Variants in ZNF169 observed in about 807,000 individuals in gnomAD.
ZNF169 encodes the protein zinc finger protein 169.
Under a neutral mutation model 12.0 loss-of-function variants are expected in ZNF169, and 11 were observed. The ratio of observed to expected loss-of-function variants is 0.92; its 90% CI spans 0.58 to 1.52. The LOEUF (loss-of-function observed/expected upper bound fraction) is 1.52. Among genes scored for constraint, ZNF169 ranks in the 40% most tolerant of loss-of-function variants. The pLI is 0.00. For synonymous variants in ZNF169, 302 were observed against 286.5 expected (o/e 1.05, Z -0.55); for missense variants, 722 against 744.0 (o/e 0.97, Z 0.34).
intron 1 of ZNF169, among the ~76,000 whole-genome samples, chr9:94,263,227 C>T (rs1395306728): frequency 6.6e-6 from 1 of 152,152 alleles, no homozygotes; most frequent in African/African-American, 2.4e-5. Context: ...CCATCGAGTT[C>T]TGTCAATTTT....
rs531534986 is a variant in ZNF169, at chr9:94,279,572, G to A, written c.33+727G>A. On this transcript the variant is annotated intron_variant, in intron 2 of 4. Transcript: ENST00000395395. Reference sequence around the variant, plus strand: ...AGAGAATCGCTTGAGCCCGGGAGGCGGAGGTTGCAGTGAGCCGAGATTGCG... The same window carrying A: ...AGAGAATCGCTTGAGCCCGGGAGGCAGAGGTTGCAGTGAGCCGAGATTGCG... Among the ~76,000 whole-genome samples the A allele has an allele frequency of 2.2e-3, 321 of 148,356 alleles. 2 individuals carry two copies. Among genetic ancestry groups the A allele is most frequent in the Middle Eastern group, 3.4e-3 (1 of 294 alleles).
chr9:94,301,358 A>G lies in ZNF169; in HGVS notation c.1800A>G (p.Gln600=). 1 of 1,610,260 alleles carries G rather than the reference A, an allele frequency of 6.2e-7. No individual in the cohort carries two copies. Among genetic ancestry groups the G allele is most frequent in the East Asian group, 2.2e-5 (1 of 44,762 alleles). ...AGTCTGGTCATCAGCTCCTACCCCA[A>G]GAGGTCTTCTGACCTTTCCTTTCCC... ...RTKSGHQLLP[Q]EVF is the part of the protein sequence containing the mutation. Residue 600 remains glutamine (Q), a synonymous_variant, in exon 5 of 5, where the codon CAA becomes CAG. Coordinates refer to ENST00000395395, the MANE Select transcript of ZNF169 (RefSeq NM_194320.4).
Position 94,300,767 on chromosome 9 carries a change from C to G in ZNF169, c.1209C>G (p.Val403=), listed in dbSNP as rs776213328. The G allele has an allele frequency of 6.2e-7, 1 of 1,611,334 alleles. No individual in the cohort carries two copies. Among genetic ancestry groups the G allele is most frequent in the East Asian group, 2.2e-5 (1 of 44,578 alleles). The change falls in exon 5 of 5, where the codon GTC becomes GTG. Residue 403 remains valine (V), a synonymous_variant. Coordinates refer to ENST00000395395, the MANE Select transcript of ZNF169 (RefSeq NM_194320.4). ...CACACTCAGGAGAGAAGCCTTATGT[C>G]TGTGCTGAGTGTGGGCACAGCTTTC... ...QVTHSGEKPY[V]CAECGHSFRQ...
intron 2 of ZNF169, among the ~76,000 whole-genome samples, chr9:94,289,272 A>G (rs2118632745): frequency 6.6e-6 from 1 of 151,406 alleles, no homozygotes. Flanking sequence ...GGTGATGCAC[A>G]CCTGTGGTCC....
At chr9:94,282,846 T>C (rs1395839228) in intron 2 of ZNF169, among the ~76,000 whole-genome samples, 3 of 152,182 alleles carry the variant, frequency 2.0e-5, no homozygotes, top group Non-Finnish European at 4.4e-5. Context: ...TAAAAAAAAT[T>C]TTTTGGTTGA....
intron 2 of ZNF169, among the ~76,000 whole-genome samples, chr9:94,280,524 A>G (rs886533435): frequency 5.9e-5 from 9 of 152,234 alleles, no homozygotes; most frequent in African/African-American, 1.9e-4. Flanking sequence ...TGTGTTAGAA[A>G]CAAAATGCTT....
At chr9:94,279,046 C>T (rs1830572265) in intron 2 of ZNF169, among the ~76,000 whole-genome samples, 1 of 152,194 alleles carries the variant, frequency 6.6e-6, no homozygotes, top group Non-Finnish European at 1.5e-5. Context: ...ACCATCACAT[C>T]CTGGGCAGTT....
rs780170011 is a variant in ZNF169, at chr9:94,300,096, A to G, written c.538A>G (p.Arg180Gly). The G allele has an allele frequency of 1.1e-5, 17 of 1,614,094 alleles. No homozygotes were observed. The highest frequency in any genetic ancestry group is 1.2e-5 in the Non-Finnish European group (14 of 1,180,056). The change falls in exon 5 of 5, where the codon AGA becomes GGA. Residue 180 changes from arginine to glycine, a missense_variant. Coordinates refer to ENST00000395395, the MANE Select transcript of ZNF169 (RefSeq NM_194320.4). ...GDPVEWVEGNREGGTDLRLAQ... is the reference protein window; with the variant it reads ...GDPVEWVEGNGEGGTDLRLAQ... ...CCCAGTAGAATGGGTAGAAGGGAAC[A>G]GAGAAGGAGGAACAGACCTTCGCCT...
chr9:94,270,742 G>A (rs186673828), intron 1 of ZNF169, among the ~76,000 whole-genome samples: 65,158 of 73,570 alleles, frequency 0.89, 29,269 homozygotes, highest in East Asian at 0.98. Flanking sequence ...TATAATTAAT[G>A]TATTTATATA....
At chr9:94,271,426 T>C (rs1049467449) in intron 1 of ZNF169, among the ~76,000 whole-genome samples, 2 of 151,922 alleles carry the variant, frequency 1.3e-5, no homozygotes, top group Admixed American at 6.6e-5. Context: ...TAATTGCTTT[T>C]CAAATGTTAA....
intron 1 of ZNF169, among the ~76,000 whole-genome samples, chr9:94,260,812 ATTTTTTTTTTTTT>A (rs561717345): frequency 2.9e-5 from 2 of 70,138 alleles, no homozygotes; most frequent in African/African-American, 7.7e-5. Flanking sequence ...CCAAACCTAC[ATTTTTTTTTTTTT>A]TTTTTTTTTT....
chr9:94,270,819 A>T (rs1258800189), intron 1 of ZNF169, among the ~76,000 whole-genome samples: 4 of 15,740 alleles, frequency 2.5e-4, no homozygotes, highest in Non-Finnish European at 5.9e-4. Flanking sequence ...ATATTATATA[A>T]ATATATATAA....
intron 1 of ZNF169, among the ~76,000 whole-genome samples, chr9:94,273,623 A>G (rs1474602428): frequency 7.8e-6 from 1 of 127,562 alleles, no homozygotes; most frequent in African/African-American, 2.9e-5. Flanking sequence ...TCTGTCGCCC[A>G]GGCTGGAGTG....
intron 2 of ZNF169, among the ~76,000 whole-genome samples, chr9:94,281,616 A>G (rs764616015): frequency 6.6e-6 from 1 of 152,236 alleles, no homozygotes; most frequent in Non-Finnish European, 1.5e-5. Flanking sequence ...TCTGGAGGTC[A>G]TGAGAACATG....
intron 2 of ZNF169, among the ~76,000 whole-genome samples, chr9:94,291,465 C>G (rs1268117833): frequency 6.6e-6 from 1 of 152,086 alleles, no homozygotes; most frequent in East Asian, 1.9e-4. Context: ...GAAGTTCTAA[C>G]CACAGCAATA....
Position 94,300,243 on chromosome 9 carries a change from A to G in ZNF169, c.685A>G (p.Ser229Gly). ...ACTTAGCAAAAAGTCAAGCCTGTTC[A>G]GCCACCAGAAGCATCATGTGTGCCC... ...LGLSKKSSLF[S>G]HQKHHVCPEC... is the part of the protein sequence containing the mutation. The change falls in exon 5 of 5, where the codon AGC becomes GGC. Residue 229 changes from serine (S) to glycine (G), a missense_variant. Physicochemically the swap from Ser to Gly is moderately conservative, Grantham distance 56 (BLOSUM62 0). Transcript: ENST00000395395. 1 of 1,614,244 alleles carries G rather than the reference A, an allele frequency of 6.2e-7. No homozygotes were observed. Among genetic ancestry groups the G allele is most frequent in the Non-Finnish European group, 8.5e-7 (1 of 1,180,026 alleles).
Position 94,300,506 on chromosome 9 carries a change from G to C in ZNF169, c.948G>C (p.Arg316Ser). 6.2e-7 allele frequency: 1 copy of C among 1,614,220 alleles called. No individual in the cohort carries two copies. Among genetic ancestry groups the C allele is most frequent in the Non-Finnish European group, 8.5e-7 (1 of 1,180,042 alleles). ...TNHKRIHSGERPFVCQECGRG... is the reference protein window; with the variant it reads ...TNHKRIHSGESPFVCQECGRG... ...ACAAGAGGATTCACTCCGGGGAGAG[G>C]CCCTTTGTATGTCAGGAGTGTGGGC... The change falls in exon 5 of 5, where the codon AGG becomes AGC. Residue 316 changes from arginine (R) to serine (S), a missense_variant. Arg to Ser is a moderately radical substitution (Grantham distance 110). Transcript: ENST00000395395.
At chr9:94,296,162 C>T (rs1042514428) in intron 4 of ZNF169, among the ~76,000 whole-genome samples, 2 of 152,138 alleles carry the variant, frequency 1.3e-5, no homozygotes, top group Non-Finnish European at 2.9e-5. Flanking sequence ...TATTTGCTAT[C>T]TTATATCTTC....
Position 94,276,640 on chromosome 9 carries a change from T to C in ZNF169, c.-55-2118T>C, listed in dbSNP as rs527906066. On this transcript the variant is annotated intron_variant, in intron 1 of 4. Transcript: ENST00000395395. ...AACTCCTGACCTCGTCATCCATCCT[T>C]GGCCTCCCAAAGTGCTGGGATTATA... Among the ~76,000 whole-genome samples, 19 of 152,050 alleles carry C rather than the reference T, an allele frequency of 1.2e-4. No individual in the cohort carries two copies. The South Asian group carries it at 3.7e-3, about 30-fold the overall frequency.
Sources: allele counts gnomAD v4.1 joint callset (sites outside exome capture counted in the v4.1 genomes callset), GRCh38; gene constraint gnomAD v4.1.1; transcripts MANE v1.5; gene names NCBI Gene and HGNC (gene_info 2026-07-23, HGNC 2026-07-21).